Variants in XG observed in about 807,000 individuals in gnomAD.
XG encodes glycoprotein Xg.
A neutral mutation model predicts 25.7 loss-of-function variants in XG; 24 were observed. The ratio of observed to expected loss-of-function variants is 0.93; its 90% CI spans 0.68 to 1.31. The LOEUF is 1.31. Among genes scored for constraint, XG ranks in the 40% most tolerant of loss-of-function variants. The pLI, the probability that XG is intolerant of heterozygous loss-of-function variation, is 0.00. For missense variants in XG, 181 were observed against 187.6 expected, an observed-to-expected ratio of 0.96 and a Z score of 0.21; for synonymous variants, 77 against 69.2, an observed-to-expected ratio of 1.11 and a Z score of -0.56.
chrX:2,783,666 G>C (rs895185840), intron 4 of XG, among the ~76,000 whole-genome samples: 10 of 112,392 alleles, frequency 8.9e-5, no homozygotes, highest in African/African-American at 3.2e-4. Flanking sequence ...CAAGGGAGGT[G>C]ACACCCACTT....
intron 2 of XG, among the ~76,000 whole-genome samples, chrX:2,773,553 A>G (rs56068404): frequency 0.088 from 6,519 of 73,924 alleles, 142 homozygotes; most frequent in South Asian, 0.16. Context: ...GAAGGAGAGA[A>G]GGAAGGAAGG....
Position 2,752,218 on chromosome X carries a change from T to C in XG, c.-57T>C. 1.2e-6 allele frequency: 2 copies of C among 1,612,102 alleles called. No homozygotes were observed. Among genetic ancestry groups the C allele is most frequent in the South Asian group, 2.2e-5 (2 of 90,832 alleles). On this transcript the variant is annotated 5_prime_UTR_variant, in exon 1 of 11. Transcript: ENST00000644266. ...ACAACAGGAGGGTGGAGAGGCCGGG[T>C]CTCACAATCCGCTTGGCTGGGGAGT...
intron 3 of XG, among the ~76,000 whole-genome samples, chrX:2,777,400 A>AAATT (rs1283143245): frequency 2.0e-5 from 3 of 151,968 alleles, no homozygotes; most frequent in African/African-American, 7.3e-5. Context: ...ATGAAGAATA[A>AAATT]AATTAAATAC....
intron 6 of XG, among the ~76,000 whole-genome samples, chrX:2,796,233 A>C (rs1215369845): frequency 9.4e-6 from 1 of 106,792 alleles, no homozygotes; most frequent in East Asian, 2.8e-4. Context: ...TTATATATCT[A>C]TACATAACCT....
At chrX:2,774,246 A>C (rs1463279651) in intron 2 of XG, among the ~76,000 whole-genome samples, 1 of 152,174 alleles carries the variant, frequency 6.6e-6, no homozygotes, top group African/African-American at 2.4e-5. Context: ...TAAGCAGGGC[A>C]GTCACAGGCT....
chrX:2,801,336 GGAGAGAGAGAAAGA>G (rs2086935154), intron 7 of XG, among the ~76,000 whole-genome samples: 1 of 109,582 alleles, frequency 9.1e-6, no homozygotes, highest in South Asian at 4.0e-4. Context: ...AGAGAGAGAG[GGAGAGAGAGAAAGA>G]GAGAGAGAGA....
intron 9 of XG, among the ~76,000 whole-genome samples, chrX:2,809,228 T>C (rs2087031999): frequency 9.0e-6 from 1 of 111,149 alleles, no homozygotes; most frequent in Admixed American, 9.5e-5. Flanking sequence ...GTAGCCAGGA[T>C]GTGGAATGCA....
chrX:2,761,818 G>A (rs1282462925), intron 1 of XG, among the ~76,000 whole-genome samples: 1 of 151,762 alleles, frequency 6.6e-6, no homozygotes, highest in Non-Finnish European at 1.5e-5. Flanking sequence ...AGGAGGAACC[G>A]GCCCTGCCCA....
At chrX:2,797,586 G>GCACACA (rs755459001) in intron 7 of XG, among the ~76,000 whole-genome samples, 1 of 102,558 alleles carries the variant, frequency 9.8e-6, no homozygotes, top group African/African-American at 3.6e-5. Context: ...ATACACACAT[G>GCACACA]CACACACACA....
intron 1 of XG, among the ~76,000 whole-genome samples, chrX:2,766,664 A>G (rs1425314887): frequency 7.3e-6 from 1 of 137,038 alleles, no homozygotes; most frequent in African/African-American, 2.8e-5. Context: ...TCCCGGGTTC[A>G]CGCCATTCTC....
chrX:2,791,611 A>G (rs1381503088), intron 5 of XG, among the ~76,000 whole-genome samples: 4 of 109,236 alleles, frequency 3.7e-5, no homozygotes, highest in Non-Finnish European at 7.6e-5. Context: ...ACTGCTTGAT[A>G]TGTTCTTACA....
intron 1 of XG, among the ~76,000 whole-genome samples, chrX:2,759,064 C>T (rs28489711): frequency 6.6e-6 from 1 of 151,924 alleles, no homozygotes; most frequent in Admixed American, 6.6e-5. Flanking sequence ...ATCAATCTAT[C>T]TATTTATCTA....
intron 9 of XG, among the ~76,000 whole-genome samples, chrX:2,809,558 G>T (rs1443314342): frequency 8.9e-6 from 1 of 112,104 alleles, no homozygotes; most frequent in East Asian, 2.8e-4. Flanking sequence ...GAAAAGGTAT[G>T]TATCAGTCAG....
chrX:2,806,598 A>T, intron 7 of XG, 103 bp from the exon 8 acceptor site: 1 of 720,233 alleles, frequency 1.4e-6, no homozygotes, highest in Non-Finnish European at 2.1e-6. Flanking sequence ...TGCAGCTTTT[A>T]AGAGCATCTT....
chrX:2,769,333 T>C (rs755944617), intron 1 of XG, among the ~76,000 whole-genome samples: 1 of 152,246 alleles, frequency 6.6e-6, no homozygotes, highest in African/African-American at 2.4e-5. Flanking sequence ...GGGCTTAGTG[T>C]TTGAGTGAGA....
chrX:2,752,810 T>A (rs2050362600), intron 1 of XG: 2 of 564,316 alleles, frequency 3.5e-6, no homozygotes, highest in South Asian at 7.8e-5. Flanking sequence ...TTCAGATTTT[T>A]AAATCTTTTC....
rs752782071 is a variant in XG, at chrX:2,800,148, C to T, written c.373+2788C>T. On this transcript the variant is annotated intron_variant, in intron 7 of 10. Coordinates refer to ENST00000644266, the MANE Select transcript of XG (RefSeq NM_001141919.2). ...TCAGAGCATGGCCCCAAATAGGTGA[C>T]GTTGGTAAAGCAGGTTTAACGGGTG... Among the ~76,000 whole-genome samples the T allele has an allele frequency of 4.2e-3, 463 of 111,393 alleles. 2 individuals are homozygous for T. The highest frequency in any genetic ancestry group is 6.2e-3 in the Admixed American group (65 of 10,417).
chrX:2,759,121 T>C (rs311119), intron 1 of XG, among the ~76,000 whole-genome samples: 135,448 of 152,046 alleles, frequency 0.89, 60,639 homozygotes, highest in Non-Finnish European at 0.92. Flanking sequence ...CCAGGGATAA[T>C]TGTGTTCCTC....
At chrX:2,752,987 T>C (rs1196525722) in intron 1 of XG, 2 of 985,210 alleles carry the variant, frequency 2.0e-6, no homozygotes, top group Non-Finnish European at 2.4e-6. Context: ...GTACAGGATT[T>C]GAACAACGGT....
Sources: allele counts gnomAD v4.1 joint callset (sites outside exome capture counted in the v4.1 genomes callset), GRCh38; gene constraint gnomAD v4.1.1; transcripts MANE v1.5; gene names NCBI Gene and HGNC (gene_info 2026-07-23, HGNC 2026-07-21).